Variants in GALNT18 observed in about 807,000 individuals in gnomAD.
The protein encoded by GALNT18 is GalNAc-transferase 18.
GALNT18 carries 44 observed loss-of-function variants against 69.5 expected under a neutral mutation model. The ratio of observed to expected loss-of-function variants is 0.63; its 90% CI spans 0.50 to 0.81. The LOEUF (loss-of-function observed/expected upper bound fraction) is 0.81. GALNT18 is among the 40% of genes least tolerant of loss of function. The probability of loss-of-function intolerance (pLI) is 0.00; values close to 1 mark genes in which losing one functional copy is unlikely to be tolerated. For missense variants in GALNT18, 715 were observed against 810.0 expected, an observed-to-expected ratio of 0.88 and a Z score of 1.42; for synonymous variants, 364 against 318.2, an observed-to-expected ratio of 1.14 and a Z score of -1.53.
chr11:11,463,839 T>C lies in GALNT18; in HGVS notation c.236-14903A>G, dbSNP rs1856099549. ...CATGAAAGATGTGAAACCTTTATGC[T>C]GTCTCGACGCTCTGTATTATGAATG... On this transcript the variant is annotated intron_variant, in intron 1 of 10. Transcript: ENST00000227756. The surrounding 1 kb of genome is among the most constrained non-coding windows in gnomAD (Gnocchi z 4.2). Among the ~76,000 whole-genome samples the C allele has an allele frequency of 6.6e-6, 1 of 152,232 alleles. No homozygotes were observed. The highest frequency in any genetic ancestry group is 2.1e-4 in the South Asian group (1 of 4,828).
intron 5 of GALNT18, among the ~76,000 whole-genome samples, chr11:11,375,490 C>T (rs995321711): frequency 6.6e-6 from 1 of 152,166 alleles, no homozygotes; most frequent in Non-Finnish European, 1.5e-5. Flanking sequence ...TATTTCCTTC[C>T]AACAGCATTC....
intron 1 of GALNT18, among the ~76,000 whole-genome samples, chr11:11,593,623 AC>A (rs1859415814): frequency 6.6e-6 from 1 of 151,992 alleles, no homozygotes; most frequent in Non-Finnish European, 1.5e-5. Flanking sequence ...AGTGATTGTC[AC>A]CCTTTAAAAA....
rs908675075 is a variant in GALNT18, at chr11:11,468,899, C to T, written c.236-19963G>A. Among the ~76,000 whole-genome samples the T allele has an allele frequency of 2.6e-5, 4 of 152,184 alleles. No homozygotes were observed. The East Asian group carries it at 5.8e-4, about 22-fold the overall frequency. ...CAGGCTCCCTGCCTTCAGCGACCTT[C>T]GTTCTCCAGTGTGAGATGGATAGGT... On this transcript the variant is annotated intron_variant, in intron 1 of 10. Coordinates refer to ENST00000227756, the MANE Select transcript of GALNT18 (RefSeq NM_198516.3).
rs141250136 is a variant in GALNT18 at position 11,532,218 on chromosome 11, G to A, written c.236-83282C>T. On this transcript the variant is annotated intron_variant, in intron 1 of 10. Transcript: ENST00000227756. ...AGAAAGCAGGGAAGAGGAAGGGAGC[G>A]GAGAGGAGAGAGGAACAACAGGAAA... Among the ~76,000 whole-genome samples the A allele has an allele frequency of 1.2e-3, 189 of 152,198 alleles. 2 individuals carry two copies. The South Asian group carries it at 0.014, about 12-fold the overall frequency.
intron 9 of GALNT18, among the ~76,000 whole-genome samples, chr11:11,298,645 GT>G (rs1485411987): frequency 6.6e-6 from 1 of 152,242 alleles, no homozygotes; most frequent in East Asian, 1.9e-4. Context: ...CCACCAGGTT[GT>G]CACGCTGAGC....
chr11:11,425,262 G>A (rs777231955), intron 3 of GALNT18, among the ~76,000 whole-genome samples: 8 of 152,206 alleles, frequency 5.3e-5, no homozygotes, highest in Non-Finnish European at 8.8e-5. Context: ...GACCGGGTCC[G>A]TGAGCAAAGG....
chr11:11,492,466 TATTTACA>T (rs1337079625), intron 1 of GALNT18, among the ~76,000 whole-genome samples: 1 of 152,256 alleles, frequency 6.6e-6, no homozygotes, highest in Non-Finnish European at 1.5e-5. Context: ...CATTCTGCAC[TATTTACA>T]ATAGCAAAGA....
chr11:11,528,028 T>C (rs1258764396), intron 1 of GALNT18, among the ~76,000 whole-genome samples: 1 of 152,202 alleles, frequency 6.6e-6, no homozygotes, highest in African/African-American at 2.4e-5. Flanking sequence ...CTCCATCACA[T>C]AGGTGCTGTG....
intron 2 of GALNT18, among the ~76,000 whole-genome samples, chr11:11,445,479 G>A (rs1414938201): frequency 6.6e-6 from 1 of 152,234 alleles, no homozygotes; most frequent in Non-Finnish European, 1.5e-5. Context: ...TAAGAAGGAT[G>A]AGCCAAGCAA....
In GALNT18 at chr11:11,383,786, A is replaced by G. The variant is rs1298579979; in HGVS notation, c.596-4522T>C. 6.6e-6 allele frequency among the ~76,000 whole-genome samples: 1 copy of G among 151,322 alleles called. No homozygotes were observed. The highest frequency in any genetic ancestry group is 2.4e-5 in the African/African-American group (1 of 41,150). On this transcript the variant is annotated intron_variant, in intron 3 of 10. Transcript: ENST00000227756. The surrounding 1 kb of genome is among the most constrained non-coding windows in gnomAD (Gnocchi z 5.2). ...TTCTCATGATAGTGAGTGAGTTCTC[A>G]TGAGATCTGATGGTTTAAGTGTGGC... is the stretch of plus-strand genomic sequence containing the variant.
At chr11:11,615,335 G>A (rs2133970471) in intron 1 of GALNT18, among the ~76,000 whole-genome samples, 1 of 152,268 alleles carries the variant, frequency 6.6e-6, no homozygotes, top group South Asian at 2.1e-4. Flanking sequence ...TGCTGTTACT[G>A]ACCTGGTATA....
chr11:11,338,233 G>T lies in GALNT18; in HGVS notation c.1278+2586C>A, dbSNP rs946835444. ...TTCACCCACCTCAGCCTCCCAAAGT[G>T]CTGGCATTACAGGCATGAGCCACTG... On this transcript the variant is annotated intron_variant, in intron 7 of 10. Coordinates refer to ENST00000227756, the MANE Select transcript of GALNT18 (RefSeq NM_198516.3). This position sits in a 1 kb window ranked among gnomAD's most constrained non-coding sequence, Gnocchi z 5.3. Among the ~76,000 whole-genome samples, 5 of 152,152 alleles carry T rather than the reference G, an allele frequency of 3.3e-5. No individual in the cohort carries two copies. Among genetic ancestry groups the T allele is most frequent in the African/African-American group, 9.7e-5 (4 of 41,444 alleles).
At chr11:11,493,319 CT>C (rs1462673155) in intron 1 of GALNT18, among the ~76,000 whole-genome samples, 1 of 147,218 alleles carries the variant, frequency 6.8e-6, no homozygotes, top group Non-Finnish European at 1.5e-5. Context: ...AGTAGGGCAG[CT>C]TTTCCTCTAT....
rs1045499063 is a variant in GALNT18, at chr11:11,444,656, A to G, written c.428+4088T>C. The stretch of plus-strand genomic sequence containing the variant: ...AGATTACATCTTTCAGTACCAAGAA[A>G]AAAAGGAGACAAAGTAAGTGACTAG... On this transcript the variant is annotated intron_variant, in intron 2 of 10. Coordinates refer to ENST00000227756, the MANE Select transcript of GALNT18 (RefSeq NM_198516.3). The surrounding 1 kb of genome is among the most constrained non-coding windows in gnomAD (Gnocchi z 4.4). 6.6e-6 allele frequency among the ~76,000 whole-genome samples: 1 copy of G among 152,236 alleles called. No individual in the cohort carries two copies. Among genetic ancestry groups the G allele is most frequent in the Non-Finnish European group, 1.5e-5 (1 of 68,050 alleles).
At position 11,534,190 on chromosome 11, in the gene GALNT18, C is replaced by T. The variant is rs186349433; in HGVS notation, c.236-85254G>A. Among the ~76,000 whole-genome samples, 15 of 152,310 alleles carry T rather than the reference C, an allele frequency of 9.8e-5. No individual in the cohort carries two copies. The South Asian group carries it at 1.7e-3, about 17-fold the overall frequency. Reference sequence around the variant, plus strand: ...CCCTTAGCCATGGGTAATAGGTTCACGCCTTTGACCACAGCTGGTCAGAAC... The same window carrying T: ...CCCTTAGCCATGGGTAATAGGTTCATGCCTTTGACCACAGCTGGTCAGAAC... On this transcript the variant is annotated intron_variant, in intron 1 of 10. Coordinates refer to ENST00000227756, the MANE Select transcript of GALNT18 (RefSeq NM_198516.3).
intron 1 of GALNT18, among the ~76,000 whole-genome samples, chr11:11,477,523 C>G (rs140861228): frequency 2.1e-3 from 323 of 152,346 alleles, no homozygotes; most frequent in African/African-American, 7.1e-3. Context: ...TTTCCTCTCC[C>G]TCCTCCTTTC....
chr11:11,551,272 A>AT (rs933894205), intron 1 of GALNT18, among the ~76,000 whole-genome samples: 53 of 150,512 alleles, frequency 3.5e-4, no homozygotes, highest in East Asian at 2.5e-3. Flanking sequence ...GCCAAACCTG[A>AT]TTTTTTTTTT....
intron 1 of GALNT18, among the ~76,000 whole-genome samples, chr11:11,568,522 G>A (rs1042642864): frequency 6.6e-6 from 1 of 152,128 alleles, no homozygotes; most frequent in Non-Finnish European, 1.5e-5. Context: ...GAAAAAGGTA[G>A]GTTTAATGTT....
chr11:11,573,973 T>C lies in GALNT18; in HGVS notation c.235+47386A>G, dbSNP rs1858859677. ...GAGAAATTAGGATGGCTGCCCAAGG[T>C]CACCTAACTACTCTGAGAAAGAGCT... On this transcript the variant is annotated intron_variant, in intron 1 of 10. Transcript: ENST00000227756. This position sits in a 1 kb window ranked among gnomAD's most constrained non-coding sequence, Gnocchi z 4.6. 6.6e-6 allele frequency among the ~76,000 whole-genome samples: 1 copy of C among 152,114 alleles called. No individual in the cohort carries two copies. The highest frequency in any genetic ancestry group is 2.1e-4 in the South Asian group (1 of 4,814).
Sources: allele counts gnomAD v4.1 joint callset (sites outside exome capture counted in the v4.1 genomes callset), GRCh38; gene constraint gnomAD v4.1.1; non-coding constraint Gnocchi (gnomAD v3.1); transcripts MANE v1.5; gene names NCBI Gene and HGNC (gene_info 2026-07-23, HGNC 2026-07-21).